The following NUDT5 variants were observed in gnomAD, a reference collection of about 807,000 sequenced individuals.
NUDT5 encodes the protein nudix hydrolase 5, also known as ADP-sugar pyrophosphatase.
Under a neutral mutation model 34.1 loss-of-function variants are expected in NUDT5, and 21 were observed. The observed-to-expected ratio is 0.62, with a 90% CI of 0.44 to 0.89. NUDT5 has a LOEUF of 0.89. Among genes scored for constraint, NUDT5 ranks in the 40% least tolerant of loss-of-function variants. NUDT5 has a pLI of 0.00. For synonymous variants in NUDT5, 85 were observed against 97.6 expected, an observed-to-expected ratio of 0.87 and a Z score of 0.76; for missense variants, 249 against 274.8, an observed-to-expected ratio of 0.91 and a Z score of 0.66.
At position 12,168,382 on chromosome 10, in the gene NUDT5, A is replaced by G. The variant is rs1179181299; in HGVS notation, c.551-571T>C. Reference sequence around the variant, plus strand: ...GGAAGTGTATAGAGCCAATCGCTATACCTCATTTATAGCTGGGGTAGGGCT... The same window carrying G: ...GGAAGTGTATAGAGCCAATCGCTATGCCTCATTTATAGCTGGGGTAGGGCT... On this transcript the variant is annotated intron_variant, in intron 9 of 9. Transcript: ENST00000491614. The surrounding 1 kb of genome is among the most constrained non-coding windows in gnomAD (Gnocchi z 4.8). 6.6e-6 allele frequency among the ~76,000 whole-genome samples: 1 copy of G among 152,144 alleles called. No individual in the cohort carries two copies. The highest frequency in any genetic ancestry group is 1.9e-4 in the East Asian group (1 of 5,180).
rs555941434 is a variant in NUDT5, at chr10:12,185,600, C to T, written c.63+629G>A. On this transcript the variant is annotated intron_variant, in intron 2 of 9. Transcript: ENST00000491614. ...CACTGCGTATAAAGCAGTAGCCTTT[C>T]TCCTACTATCCTATCTTTCACTTCT... is the stretch of plus-strand genomic sequence containing the variant. 2.6e-5 allele frequency among the ~76,000 whole-genome samples: 4 copies of T among 152,360 alleles called. No homozygotes were observed. The South Asian group carries it at 8.3e-4, about 32-fold the overall frequency.
At chr10:12,192,830 G>A (rs902751987) in intron 1 of NUDT5, among the ~76,000 whole-genome samples, 8 of 151,978 alleles carry the variant, frequency 5.3e-5, no homozygotes, top group Admixed American at 2.6e-4. Flanking sequence ...CAGCCTGGGC[G>A]ACAGAGCGAG....
chr10:12,170,429 G>A lies in NUDT5; in HGVS notation c.550+288C>T. 1.6e-6 allele frequency: 1 copy of A among 617,928 alleles called. No homozygotes were observed. The highest frequency in any genetic ancestry group is 2.0e-5 in the South Asian group (1 of 49,548). 38.3% of individuals were successfully genotyped at this position (617,928 alleles called of 1,614,324 possible). ...CTATGGACTGAAGGTTTAAAGTGTA[G>A]AATCGTTTTGGCTACTCAGCAGGAA... On this transcript the variant is annotated intron_variant, in intron 9 of 9. Coordinates refer to ENST00000491614, the MANE Select transcript of NUDT5 (RefSeq NM_014142.4). This position sits in a 1 kb window ranked among gnomAD's most constrained non-coding sequence, Gnocchi z 4.9.
In NUDT5 at chr10:12,169,522, G is replaced by A; in HGVS notation, c.550+1195C>T. The A allele has an allele frequency of 2.0e-6, 1 of 504,866 alleles. No homozygotes were observed. The highest frequency in any genetic ancestry group is 3.5e-6 in the Non-Finnish European group (1 of 285,802). 31.3% of individuals were successfully genotyped at this position (504,866 alleles called of 1,614,324 possible). A position where few individuals can be genotyped will look rare whatever the true frequency, so the allele number is the denominator to read the frequency against. On this transcript the variant is annotated intron_variant, in intron 9 of 9. Coordinates refer to ENST00000491614, the MANE Select transcript of NUDT5 (RefSeq NM_014142.4). The surrounding 1 kb of genome is among the most constrained non-coding windows in gnomAD (Gnocchi z 4.8). ...CGGGCCTGTGACTCCGAGCTGCGCT[G>A]CCTCGTATTGATTGTCATGCCTTTC...
At chr10:12,174,812 C>G (rs1401924639) in intron 5 of NUDT5, among the ~76,000 whole-genome samples, 3 of 152,158 alleles carry the variant, frequency 2.0e-5, no homozygotes, top group South Asian at 4.1e-4. Flanking sequence ...GAAGCCTGCT[C>G]ATATTCTGCT....
chr10:12,171,334 C>T lies in NUDT5; in HGVS notation c.488-426G>A, dbSNP rs1018272517. On this transcript the variant is annotated intron_variant, in intron 7 of 9. Coordinates refer to ENST00000491614, the MANE Select transcript of NUDT5 (RefSeq NM_014142.4). This position sits in a 1 kb window ranked among gnomAD's most constrained non-coding sequence, Gnocchi z 4.2. ...AACACTAATTCCCCATCCCTAGTAG[C>T]GCTTACTCTACTGTCTTCCTCTATC... is the stretch of plus-strand genomic sequence containing the variant. Among the ~76,000 whole-genome samples, 10 of 152,186 alleles carry T rather than the reference C, an allele frequency of 6.6e-5. No homozygotes were observed. Among genetic ancestry groups the T allele is most frequent in the African/African-American group, 2.2e-4 (9 of 41,442 alleles).
At chr10:12,178,833 T>A (rs1834998375) in intron 4 of NUDT5, among the ~76,000 whole-genome samples, 1 of 152,234 alleles carries the variant, frequency 6.6e-6, no homozygotes, top group African/African-American at 2.4e-5. Flanking sequence ...CTTCAAACTA[T>A]ATTGATTTAC....
At position 12,173,740 on chromosome 10, in the gene NUDT5, C is replaced by T; in HGVS notation, c.363G>A (p.Gly121=). ...AACCTGGAGAACATTCGGCAATGTCCCCTTTGTAGCCAGTTTCTTCTTCAA... is the reference window on the plus strand; with the variant it reads ...AACCTGGAGAACATTCGGCAATGTCTCCTTTGTAGCCAGTTTCTTCTTCAA... ...RELEEETGYK[G]DIAECSPAVC... Residue 121 remains glycine (G), a synonymous_variant, in exon 6 of 10, where the codon GGG becomes GGA. Transcript: ENST00000491614. This position sits in a 1 kb window ranked among gnomAD's most constrained non-coding sequence, Gnocchi z 4.7. 6.2e-7 allele frequency: 1 copy of T among 1,613,896 alleles called. No individual in the cohort carries two copies. The highest frequency in any genetic ancestry group is 8.5e-7 in the Non-Finnish European group (1 of 1,179,808).
chr10:12,167,773 C>A lies in NUDT5; in HGVS notation c.589G>T (p.Val197Phe), dbSNP rs1834741050. Residue 197 changes from valine to phenylalanine, a missense_variant, in exon 10 of 10, where the codon GTC becomes TTC. Coordinates refer to ENST00000491614, the MANE Select transcript of NUDT5 (RefSeq NM_014142.4). ...AEEHLTVDARVYSYALALKHA... is the reference protein window; with the variant it reads ...AEEHLTVDARFYSYALALKHA... The stretch of plus-strand genomic sequence containing the variant: ...TTCAGTGCTAGAGCGTAGGAATAGA[C>A]CCTGGCGTCCACTGTGAGATGTTCT... 6.2e-7 allele frequency: 1 copy of A among 1,614,152 alleles called. No homozygotes were observed. Among genetic ancestry groups the A allele is most frequent in the Non-Finnish European group, 8.5e-7 (1 of 1,180,036 alleles).
intron 3 of NUDT5, among the ~76,000 whole-genome samples, chr10:12,183,063 G>C (rs1034938960): frequency 2.0e-5 from 3 of 152,332 alleles, no homozygotes; most frequent in Admixed American, 1.3e-4. Flanking sequence ...ACTCATTAGA[G>C]TTGAGGGCTA....
Position 12,175,192 on chromosome 10 carries a change from G to A in NUDT5, c.290-1379C>T, listed in dbSNP as rs1415997446. On this transcript the variant is annotated intron_variant, in intron 5 of 9. Transcript: ENST00000491614. This position sits in a 1 kb window ranked among gnomAD's most constrained non-coding sequence, Gnocchi z 4.8. Reference sequence around the variant, plus strand: ...AAAAATTAGCCAGGTGTGGTGGTACGCACCTGTATTCCAGCTACGCGGGAG... The same window carrying A: ...AAAAATTAGCCAGGTGTGGTGGTACACACCTGTATTCCAGCTACGCGGGAG... Among the ~76,000 whole-genome samples the A allele has an allele frequency of 2.0e-5, 3 of 152,076 alleles. No homozygotes were observed. Among genetic ancestry groups the A allele is most frequent in the African/African-American group, 4.8e-5 (2 of 41,390 alleles).
In NUDT5 at chr10:12,172,939, T is replaced by TG. The variant is rs1378298688; in HGVS notation, c.386-74dup. 8 of 1,089,458 alleles carry TG rather than the reference T, an allele frequency of 7.3e-6. No individual in the cohort carries two copies. The Admixed American group carries it at 1.1e-4, about 15-fold the overall frequency. 67.5% of individuals were successfully genotyped at this position (1,089,458 alleles called of 1,614,324 possible). A position where few individuals can be genotyped will look rare whatever the true frequency, so the allele number is the denominator to read the frequency against. ...TTTCACTATGGTCTTAGGAAGAAGA[T>TG]GCGTCCCGCAGCTCAGCATTGACGT... On this transcript the variant is annotated intron_variant, in intron 6 of 9. Transcript: ENST00000491614.
chr10:12,174,373 T>C (rs1834915625), intron 5 of NUDT5, among the ~76,000 whole-genome samples: 1 of 151,892 alleles, frequency 6.6e-6, no homozygotes, highest in African/African-American at 2.4e-5. Context: ...TTTAAACGAT[T>C]CTCCTGCCTC....
intron 1 of NUDT5, among the ~76,000 whole-genome samples, chr10:12,190,993 A>G (rs79716083): frequency 1.3e-5 from 2 of 152,284 alleles, no homozygotes; most frequent in Non-Finnish European, 2.9e-5. Flanking sequence ...AAGACACCAC[A>G]TGAACAAAGG....
intron 1 of NUDT5, among the ~76,000 whole-genome samples, chr10:12,191,426 A>ACCAC (rs1835229055): frequency 7.1e-3 from 1 of 140 alleles, no homozygotes; most frequent in South Asian, 0.17. Flanking sequence ...CAAAGGAAAA[A>ACCAC]CCACCACCAC....
chr10:12,167,846 C>T lies in NUDT5; in HGVS notation c.551-35G>A, dbSNP rs199990204. 7.5e-6 allele frequency: 12 copies of T among 1,610,526 alleles called. No homozygotes were observed. The East Asian group carries it at 8.9e-5, about 12-fold the overall frequency. Reference sequence around the variant, plus strand: ...GCAAAGAAAACAACTTAGATCATGCCGTTAAGGAAGGACAAAACATCTTAT... The same window carrying T: ...GCAAAGAAAACAACTTAGATCATGCTGTTAAGGAAGGACAAAACATCTTAT... On this transcript the variant is annotated intron_variant, in intron 9 of 9. Transcript: ENST00000491614.
chr10:12,172,950 G>T, intron 6 of NUDT5, 84 bp from the exon 7 acceptor site: 1 of 977,972 alleles, frequency 1.0e-6, no homozygotes, highest in Non-Finnish European at 1.6e-6. Flanking sequence ...GCGTCCCGCA[G>T]CTCAGCATTG....
chr10:12,187,120 C>G lies in NUDT5; in HGVS notation c.-41-788G>C, dbSNP rs997565201. Among the ~76,000 whole-genome samples, 1 of 152,154 alleles carries G rather than the reference C, an allele frequency of 6.6e-6. No individual in the cohort carries two copies. Among genetic ancestry groups the G allele is most frequent in the Non-Finnish European group, 1.5e-5 (1 of 68,030 alleles). Reference sequence around the variant, plus strand: ...AAATCATGGCTCACTGTAGCCTCTACCTCCCAAGCTCACGTGCTCCTCGCA... The same window carrying G: ...AAATCATGGCTCACTGTAGCCTCTAGCTCCCAAGCTCACGTGCTCCTCGCA... On this transcript the variant is annotated intron_variant, in intron 1 of 9. Coordinates refer to ENST00000491614, the MANE Select transcript of NUDT5 (RefSeq NM_014142.4). The surrounding 1 kb of genome is among the most constrained non-coding windows in gnomAD (Gnocchi z 5.4).
At position 12,171,681 on chromosome 10, in the gene NUDT5, GATTTATTTT is replaced by G. The variant is rs1564422228; in HGVS notation, c.488-782_488-774del. ...TGTATATGTGCAGTTCAAAAATTAAGATTTATTTTATTTATTTATTTATTTATTTATTTA... is the reference window on the plus strand; with the variant it reads ...TGTATATGTGCAGTTCAAAAATTAAGATTTATTTATTTATTTATTTATTTA... On this transcript the variant is annotated intron_variant, in intron 7 of 9. Transcript: ENST00000491614. This position sits in a 1 kb window ranked among gnomAD's most constrained non-coding sequence, Gnocchi z 4.2. Among the ~76,000 whole-genome samples the G allele has an allele frequency of 1.4e-5, 2 of 147,200 alleles. No individual in the cohort carries two copies. Among genetic ancestry groups the G allele is most frequent in the South Asian group, 2.2e-4 (1 of 4,600 alleles).
Sources: gnomAD v4.1 joint callset for allele counts (sites outside exome capture counted in the v4.1 genomes callset) on GRCh38, gnomAD v4.1.1 for gene constraint, Gnocchi (gnomAD v3.1) non-coding constraint, MANE v1.5 for transcripts, NCBI Gene and HGNC (gene_info 2026-07-23, HGNC 2026-07-21) for gene names.